Variants in SH3D21 observed in about 807,000 individuals in gnomAD.
SH3D21 encodes manchette microtubule inner protein 1.
In SH3D21, 83 loss-of-function variants were observed where a neutral mutation model predicts 82.1. The observed-to-expected ratio is 1.01, with a 90% CI of 0.85 to 1.21. The LOEUF (loss-of-function observed/expected upper bound fraction) is 1.21, where lower values mean the gene tolerates loss of function less well. Among genes scored for constraint, SH3D21 ranks in the 50% most tolerant of loss-of-function variants. The pLI, the probability that SH3D21 is intolerant of heterozygous loss-of-function variation, is 0.00. For synonymous variants in SH3D21, 383 were observed against 387.8 expected (o/e 0.99, Z 0.15); for missense variants, 980 against 962.1 (o/e 1.02, Z -0.25).
chr1:36,315,292 C>T (rs542989571), intron 10 of SH3D21, among the ~76,000 whole-genome samples: 17 of 151,924 alleles, frequency 1.1e-4, no homozygotes, highest in African/African-American at 2.9e-4. Flanking sequence ...AAAAATCCTT[C>T]GCAAATTATC....
rs375580789 is a variant in SH3D21 at position 36,309,478 on chromosome 1, G to C, written c.727-70G>C. 19 of 1,531,112 alleles carry C rather than the reference G, an allele frequency of 1.2e-5. No individual in the cohort carries two copies. The South Asian group carries it at 2.0e-4, about 16-fold the overall frequency. The allele number at this position is 1,531,112 out of a possible 1,614,324, so 94.8% of individuals were successfully genotyped here. On this transcript the variant is annotated intron_variant, in intron 9 of 15. Transcript: ENST00000453908. Reference sequence around the variant, plus strand: ...TGGGATTATAGGTGTGAGCCACCACGCCTGGCCTGCATTTTGGATTTCTGA... The same window carrying C: ...TGGGATTATAGGTGTGAGCCACCACCCCTGGCCTGCATTTTGGATTTCTGA...
chr1:36,320,762 T>C lies in SH3D21; in HGVS notation c.2099T>C (p.Leu700Pro). 2 of 1,590,976 alleles carry C rather than the reference T, an allele frequency of 1.3e-6. No homozygotes were observed. Among genetic ancestry groups the C allele is most frequent in the Non-Finnish European group, 8.6e-7 (1 of 1,168,486 alleles). ...VTSLRGEVES[L>P]RRALELMEVQ... Reference sequence around the variant, plus strand: ...TCGCTGAGGGGCGAGGTGGAGTCTCTAAGGAGGGCGCTGGAGCTGATGGAG... The same window carrying C: ...TCGCTGAGGGGCGAGGTGGAGTCTCCAAGGAGGGCGCTGGAGCTGATGGAG... The change falls in exon 14 of 16, where the codon CTA becomes CCA. Residue 700 changes from leucine (L) to proline (P), a missense_variant. Physicochemically the swap from Leu to Pro is moderately conservative, Grantham distance 98 (BLOSUM62 -3). Coordinates refer to ENST00000453908, the MANE Select transcript of SH3D21 (RefSeq NM_001162530.2).
rs746732916 is a variant in SH3D21 at position 36,320,447 on chromosome 1, A to G, written c.1784A>G (p.Asn595Ser). Reference protein sequence around the residue: ...ATTLPEEAPSNDERTPEEEAP... With the variant: ...ATTLPEEAPSSDERTPEEEAP... The stretch of plus-strand genomic sequence containing the variant: ...ACCCTTCCAGAGGAGGCACCTTCCA[A>G]TGACGAGAGGACCCCTGAAGAGGAG... The change falls in exon 14 of 16, where the codon AAT becomes AGT. Residue 595 changes from asparagine to serine, a missense_variant. Coordinates refer to ENST00000453908, the MANE Select transcript of SH3D21 (RefSeq NM_001162530.2). 2.5e-6 allele frequency: 4 copies of G among 1,612,878 alleles called. No individual in the cohort carries two copies. The South Asian group carries it at 3.3e-5, about 13-fold the overall frequency.
downstream of SH3D21, among the ~76,000 whole-genome samples, chr1:36,326,789 T>C (rs1191088963): frequency 1.3e-5 from 2 of 152,098 alleles, no homozygotes; most frequent in Non-Finnish European, 2.9e-5. Context: ...TGGACTTGAA[T>C]GTGAGGGAGA....
At chr1:36,309,228 G>A (rs1436658892) in intron 9 of SH3D21, among the ~76,000 whole-genome samples, 5 of 148,326 alleles carry the variant, frequency 3.4e-5, no homozygotes, top group South Asian at 2.1e-4. Flanking sequence ...ACAGAGTCTC[G>A]CTCTATTGCA....
rs377393319 is a variant in SH3D21, at chr1:36,320,779, C to G, written c.2116C>G (p.Leu706Val). Residue 706 changes from leucine to valine, a missense_variant, in exon 14 of 16, where the codon CTG becomes GTG. Physicochemically the swap from Leu to Val is conservative, Grantham distance 32. Coordinates refer to ENST00000453908, the MANE Select transcript of SH3D21 (RefSeq NM_001162530.2). ...GGAGTCTCTAAGGAGGGCGCTGGAG[C>G]TGATGGAGGTGCAGCTGGAGTGAGT... The part of the protein sequence containing the change: ...EVESLRRALE[L>V]MEVQLERKLT... The G allele has an allele frequency of 2.9e-5, 45 of 1,576,156 alleles. No homozygotes were observed. The highest frequency in any genetic ancestry group is 3.7e-5 in the Non-Finnish European group (43 of 1,160,722).
At chr1:36,308,011 G>A (rs1165947027) in intron 7 of SH3D21, 48 bp downstream of exon 7, 1 of 1,551,156 alleles carries the variant, frequency 6.4e-7, no homozygotes, top group Non-Finnish European at 8.7e-7. Flanking sequence ...CACTCCCAAG[G>A]TTGTGACTTG....
chr1:36,327,649 G>A (rs1646558723), downstream of SH3D21: 1 of 1,192,700 alleles, frequency 8.4e-7, no homozygotes. Context: ...AGCAGGATGA[G>A]GGTTGAGATG....
At chr1:36,322,320 G>T, downstream of SH3D21, 1 of 1,557,432 alleles carries the variant, frequency 6.4e-7, no homozygotes. Flanking sequence ...GCGGCCCAGG[G>T]TGCCCGTGGC....
chr1:36,308,145 A>G lies in SH3D21; in HGVS notation c.575A>G (p.Tyr192Cys). ...GAGGTCTACAGGGTCCTGTTTGACTACCAGCCTGAGGCCCCAGACGAGTTG... is the reference window on the plus strand; with the variant it reads ...GAGGTCTACAGGGTCCTGTTTGACTGCCAGCCTGAGGCCCCAGACGAGTTG... ...HPEVYRVLFDYQPEAPDELAL... is the reference protein window; with the variant it reads ...HPEVYRVLFDCQPEAPDELAL... The change falls in exon 8 of 16, where the codon TAC becomes TGC. Residue 192 changes from tyrosine to cysteine, a missense_variant. Physicochemically the swap from Tyr to Cys is radical, Grantham distance 194. Coordinates refer to ENST00000453908, the MANE Select transcript of SH3D21 (RefSeq NM_001162530.2). The G allele has an allele frequency of 1.3e-6, 2 of 1,549,864 alleles. No homozygotes were observed.
At chr1:36,324,478 A>T (rs560925255), downstream of SH3D21, 2 of 151,614 alleles carry the variant, frequency 1.3e-5, no homozygotes, top group Non-Finnish European at 2.9e-5. Flanking sequence ...CCCATCATGG[A>T]CCTCCCCTCC....
At chr1:36,311,097 C>T (rs965307571) in intron 10 of SH3D21, among the ~76,000 whole-genome samples, 19 of 151,756 alleles carry the variant, frequency 1.3e-4, no homozygotes, top group Non-Finnish European at 2.5e-4. Flanking sequence ...TTAGTAGAAA[C>T]GGGGTTTCAC....
downstream of SH3D21, among the ~76,000 whole-genome samples, chr1:36,330,153 C>G (rs555042763): frequency 4.1e-4 from 62 of 152,306 alleles, no homozygotes; most frequent in African/African-American, 1.2e-3. Flanking sequence ...CCCTGTAAAG[C>G]CCTGCTGCAG....
chr1:36,307,905 C>A lies in SH3D21; in HGVS notation c.493-13C>A. ...AGGCTCATCTAGTTCCTCCCTGCCCCTTCCCCCACTAGCTGAGCAGCCTGG... is the reference window on the plus strand; with the variant it reads ...AGGCTCATCTAGTTCCTCCCTGCCCATTCCCCCACTAGCTGAGCAGCCTGG... On this transcript the variant is annotated splice_polypyrimidine_tract_variant and intron_variant, in intron 6 of 15. Transcript: ENST00000453908. This position sits in a 1 kb window ranked among gnomAD's most constrained non-coding sequence, Gnocchi z 5.4. 1 of 1,551,720 alleles carries A rather than the reference C, an allele frequency of 6.4e-7. No individual in the cohort carries two copies. Among genetic ancestry groups the A allele is most frequent in the Middle Eastern group, 1.7e-4 (1 of 5,992 alleles).
At position 36,306,826 on chromosome 1, in the gene SH3D21, G is replaced by C. The variant is rs1455993680; in HGVS notation, c.163-16G>C. The C allele has an allele frequency of 7.7e-7, 1 of 1,295,304 alleles. No homozygotes were observed. The highest frequency in any genetic ancestry group is 2.3e-5 in the Admixed American group (1 of 43,382). The allele number at this position is 1,295,304 out of a possible 1,614,324, so 80.2% of individuals were successfully genotyped here. A position where few individuals can be genotyped will look rare whatever the true frequency, so the allele number is the denominator to read the frequency against. On this transcript the variant is annotated splice_polypyrimidine_tract_variant and intron_variant, in intron 2 of 15. Coordinates refer to ENST00000453908, the MANE Select transcript of SH3D21 (RefSeq NM_001162530.2). The surrounding 1 kb of genome is among the most constrained non-coding windows in gnomAD (Gnocchi z 4.5). ...CCCGGGAGCTGAGAGCGCCTTCCCC[G>C]TGCCCTGATTCCCAGGAGATCCCAG...
chr1:36,327,641 C>A, downstream of SH3D21: 1 of 1,188,280 alleles, frequency 8.4e-7, no homozygotes, highest in Non-Finnish European at 1.1e-6. Flanking sequence ...CCTAGTGGAG[C>A]AGGATGAGGG....
chr1:36,316,228 T>C (rs1646340731), intron 10 of SH3D21, among the ~76,000 whole-genome samples: 1 of 151,474 alleles, frequency 6.6e-6, no homozygotes, highest in African/African-American at 2.4e-5. Flanking sequence ...TTGCTTTTAT[T>C]TTTTGTTTTG....
In SH3D21 at chr1:36,319,242, G is replaced by A; in HGVS notation, c.864-18G>A. On this transcript the variant is annotated intron_variant, in intron 11 of 15. Transcript: ENST00000453908. ...TCCCTGTGCCCCACCCTGAGGGCCT[G>A]ATGAAGATATGTTCCAGGACATCTC... 4.5e-6 allele frequency: 7 copies of A among 1,551,686 alleles called. No homozygotes were observed. The highest frequency in any genetic ancestry group is 6.1e-6 in the Non-Finnish European group (7 of 1,146,986).
chr1:36,327,941 C>G (rs373693625), downstream of SH3D21: 1 of 1,138,598 alleles, frequency 8.8e-7, no homozygotes, highest in Non-Finnish European at 1.2e-6. Context: ...CCCAGCCACC[C>G]GCTTCGGATC....
Sources: gnomAD v4.1 joint callset for allele counts (sites outside exome capture counted in the v4.1 genomes callset) on GRCh38, gnomAD v4.1.1 for gene constraint, Gnocchi (gnomAD v3.1) non-coding constraint, MANE v1.5 for transcripts, NCBI Gene and HGNC (gene_info 2026-07-23, HGNC 2026-07-21) for gene names.